Variants in MIPOL1 observed in about 807,000 individuals in gnomAD.
MIPOL1 encodes the protein mirror-image polydactyly gene 1 protein.
In MIPOL1, 57 loss-of-function variants were observed where a neutral mutation model predicts 60.9. The observed-to-expected ratio is 0.94, with a 90% CI of 0.76 to 1.17. The LOEUF (loss-of-function observed/expected upper bound fraction) is 1.17. MIPOL1 is among the 50% of genes most tolerant of loss of function. MIPOL1 has a pLI of 0.00. For missense variants in MIPOL1, 551 were observed against 511.6 expected (o/e 1.08, Z -0.74); for synonymous variants, 179 against 168.8 (o/e 1.06, Z -0.47).
At chr14:37,422,744 AG>A in intron 10 of MIPOL1, 110 bp from the exon 11 acceptor site, 2 of 680,706 alleles carry the variant, frequency 2.9e-6, no homozygotes, top group Non-Finnish European at 2.5e-6. Context: ...AAACATTCAT[AG>A]GTTTTTTTTT....
rs200611351 is a variant in MIPOL1, at chr14:37,308,116, T to G, written c.657+27T>G. 1.3e-3 allele frequency: 2,119 copies of G among 1,602,612 alleles called. 32 individuals are homozygous for G. In the South Asian group the frequency reaches 0.015, roughly 11 times the overall value. The stretch of plus-strand genomic sequence containing the variant: ...TAAGCCATTCTCTGAGGAGATTTCT[T>G]GATGTCAGTCTTATATCTTAGAGGC... On this transcript the variant is annotated intron_variant, in intron 8 of 12. Coordinates refer to ENST00000684589, the MANE Select transcript of MIPOL1 (RefSeq NM_001388067.1).
At chr14:37,210,790 G>A (rs1966778510) in intron 1 of MIPOL1, among the ~76,000 whole-genome samples, 1 of 152,148 alleles carries the variant, frequency 6.6e-6, no homozygotes, top group South Asian at 2.1e-4. Context: ...GCAAGCGAGA[G>A]GGCAATGTCT....
intron 12 of MIPOL1, among the ~76,000 whole-genome samples, chr14:37,509,960 C>T (rs1439164150): frequency 6.6e-6 from 1 of 150,458 alleles, no homozygotes; most frequent in Non-Finnish European, 1.5e-5. Flanking sequence ...AACCTGAAAA[C>T]TATATATATA....
intron 12 of MIPOL1, among the ~76,000 whole-genome samples, chr14:37,530,609 G>A (rs1006927539): frequency 2.4e-4 from 37 of 152,242 alleles, no homozygotes; most frequent in African/African-American, 8.9e-4. Flanking sequence ...CATAAGAGCT[G>A]TATCTCAAGC....
chr14:37,444,841 T>C (rs928610922), intron 11 of MIPOL1, among the ~76,000 whole-genome samples: 2 of 152,216 alleles, frequency 1.3e-5, no homozygotes, highest in Middle Eastern at 3.4e-3. Flanking sequence ...ATTATCTCAA[T>C]AGATGCAGAA....
At chr14:37,265,917 T>G (rs576646217) in intron 3 of MIPOL1, among the ~76,000 whole-genome samples, 59 of 152,266 alleles carry the variant, frequency 3.9e-4, no homozygotes, top group South Asian at 1.0e-3. Flanking sequence ...CTTTTACTAC[T>G]GAACAAAATG....
intron 12 of MIPOL1, among the ~76,000 whole-genome samples, chr14:37,536,110 T>A (rs939401856): frequency 6.6e-6 from 1 of 152,180 alleles, no homozygotes; most frequent in African/African-American, 2.4e-5. Context: ...GGGAAAGGGC[T>A]GAATTAGATT....
intron 1 of MIPOL1, chr14:37,212,406 T>C (rs969104498): frequency 6.6e-6 from 1 of 152,086 alleles, no homozygotes; most frequent in Non-Finnish European, 1.5e-5. Flanking sequence ...TAAGAGAACT[T>C]GGGCTGTAAG....
chr14:37,530,327 G>C (rs952224511), intron 12 of MIPOL1, among the ~76,000 whole-genome samples: 4 of 152,076 alleles, frequency 2.6e-5, no homozygotes, highest in Admixed American at 2.6e-4. Context: ...ATAAACTTAT[G>C]AGAAAAAATA....
At chr14:37,284,668 T>C (rs1209661978) in intron 6 of MIPOL1, among the ~76,000 whole-genome samples, 1 of 152,200 alleles carries the variant, frequency 6.6e-6, no homozygotes, top group South Asian at 2.1e-4. Context: ...TTTTACTAAT[T>C]GTGTCTATTC....
intron 11 of MIPOL1, among the ~76,000 whole-genome samples, chr14:37,449,263 A>G (rs1281394995): frequency 6.6e-6 from 1 of 152,196 alleles, no homozygotes; most frequent in African/African-American, 2.4e-5. Context: ...AATGGAAGAA[A>G]TCTTTGGCAG....
intron 3 of MIPOL1, among the ~76,000 whole-genome samples, chr14:37,249,557 C>T (rs749533057): frequency 5.9e-5 from 9 of 152,038 alleles, no homozygotes; most frequent in Non-Finnish European, 1.3e-4. Flanking sequence ...AGTTTAGAAT[C>T]CAGATAGCTG....
At chr14:37,400,065 A>T (rs974289940) in intron 10 of MIPOL1, 1 of 152,156 alleles carries the variant, frequency 6.6e-6, no homozygotes, top group African/African-American at 2.4e-5. Flanking sequence ...AAGTGGTAAT[A>T]TGTATAACTT....
At chr14:37,281,218 G>A (rs1029682310) in intron 6 of MIPOL1, among the ~76,000 whole-genome samples, 1 of 152,082 alleles carries the variant, frequency 6.6e-6, no homozygotes, top group Non-Finnish European at 1.5e-5. Flanking sequence ...TTTTTATTCT[G>A]CATGTGGATA....
intron 10 of MIPOL1, among the ~76,000 whole-genome samples, chr14:37,383,404 T>G (rs868107579): frequency 3.3e-5 from 5 of 151,892 alleles, no homozygotes; most frequent in African/African-American, 7.2e-5. Context: ...AGTACATAAA[T>G]TACTCATTTT....
At chr14:37,412,732 T>G (rs534151531) in intron 10 of MIPOL1, among the ~76,000 whole-genome samples, 195 of 152,244 alleles carry the variant, frequency 1.3e-3, no homozygotes, top group African/African-American at 2.7e-3. Flanking sequence ...AGTTTCCTGT[T>G]AAACAGGTGT....
rs2095553962 is a variant in MIPOL1 at position 37,548,537 on chromosome 14, G to A, written c.*1566G>A. ...CAATGACTCTATAATAGAGAAATAT[G>A]TAATGATTTGGTCATGCATGGAGTC... is the stretch of plus-strand genomic sequence containing the variant. On this transcript the variant is annotated 3_prime_UTR_variant, in exon 13 of 13. Coordinates refer to ENST00000684589, the MANE Select transcript of MIPOL1 (RefSeq NM_001388067.1). The A allele has an allele frequency of 6.6e-6, 1 of 151,946 alleles. No homozygotes were observed. Among genetic ancestry groups the A allele is most frequent in the Non-Finnish European group, 1.5e-5 (1 of 67,864 alleles). 9.4% of individuals were successfully genotyped at this position (151,946 alleles called of 1,614,324 possible).
intron 11 of MIPOL1, among the ~76,000 whole-genome samples, chr14:37,439,778 A>G (rs2094213967): frequency 6.6e-6 from 1 of 152,198 alleles, no homozygotes. Context: ...GTATCATCTA[A>G]AAGATGAGGA....
At chr14:37,453,273 A>G (rs2094442392) in intron 11 of MIPOL1, among the ~76,000 whole-genome samples, 2 of 152,118 alleles carry the variant, frequency 1.3e-5, no homozygotes, top group African/African-American at 4.8e-5. Context: ...AGCATGAATT[A>G]TCTTTATTTA....
Sources: gnomAD v4.1 joint callset for allele counts (sites outside exome capture counted in the v4.1 genomes callset) on GRCh38, gnomAD v4.1.1 for gene constraint, MANE v1.5 for transcripts, NCBI Gene and HGNC (gene_info 2026-07-23, HGNC 2026-07-21) for gene names.